CCNT2: variants seen among roughly 807,000 people sequenced by gnomAD.
CCNT2 encodes the protein cyclin-T2.
In CCNT2, 18 loss-of-function variants were observed where a neutral mutation model predicts 70.0. The observed-to-expected ratio is 0.26, with a 90% CI of 0.18 to 0.38. CCNT2 has a LOEUF of 0.38. Ranked by LOEUF, CCNT2 falls within the 10% of genes least tolerant of loss-of-function variation. CCNT2 has a pLI of 1.00. For synonymous variants in CCNT2, 334 were observed against 313.3 expected (o/e 1.07, Z -0.70); for missense variants, 734 against 890.2 (o/e 0.82, Z 2.23).
chr2:134,924,792 C>G (rs78483860), intron 2 of CCNT2, among the ~76,000 whole-genome samples: 1 of 152,102 alleles, frequency 6.6e-6, no homozygotes, highest in East Asian at 1.9e-4. Flanking sequence ...TTTTAGCACC[C>G]AACTCTGCAT....
chr2:134,950,523 A>C (rs151029297), intron 7 of CCNT2, among the ~76,000 whole-genome samples: 1 of 152,226 alleles, frequency 6.6e-6, no homozygotes, highest in African/African-American at 2.4e-5. Context: ...TATAGACCCA[A>C]CTACTGTGGA....
chr2:134,926,462 A>G (rs1157621709), intron 2 of CCNT2, among the ~76,000 whole-genome samples: 2 of 152,030 alleles, frequency 1.3e-5, no homozygotes, highest in Non-Finnish European at 2.9e-5. Flanking sequence ...TTCTCTTCAA[A>G]CTGGAGTCTT....
At chr2:134,948,350 ATAAG>A (rs145614460) in intron 7 of CCNT2, among the ~76,000 whole-genome samples, 31,591 of 151,922 alleles carry the variant, frequency 0.21, 3,781 homozygotes, top group Middle Eastern at 0.57. Flanking sequence ...TAAAAAATAA[ATAAG>A]TAAGGTTTAG....
At chr2:134,948,714 A>G (rs188843311) in intron 7 of CCNT2, among the ~76,000 whole-genome samples, 211 of 145,130 alleles carry the variant, frequency 1.5e-3, no homozygotes, top group African/African-American at 5.3e-3. Context: ...AAGAAAATAG[A>G]TAACACTTTT....
At chr2:134,943,915 T>G (rs891443401) in intron 5 of CCNT2, 20 of 967,078 alleles carry the variant, frequency 2.1e-5, no homozygotes, top group Non-Finnish European at 2.5e-5. Flanking sequence ...CTTTTGAAAA[T>G]CTTTTGTTTT....
At chr2:134,934,479 T>A (rs1681008107) in intron 2 of CCNT2, among the ~76,000 whole-genome samples, 1 of 152,260 alleles carries the variant, frequency 6.6e-6, no homozygotes, top group Non-Finnish European at 1.5e-5. Context: ...CATTTGGAAT[T>A]CTTTTAAGCC....
intron 2 of CCNT2, among the ~76,000 whole-genome samples, chr2:134,925,979 C>G (rs1680270631): frequency 6.6e-6 from 1 of 151,246 alleles, no homozygotes; most frequent in Admixed American, 6.6e-5. Flanking sequence ...GATTCCCCCA[C>G]CTTAGCCTCC....
intron 1 of CCNT2, among the ~76,000 whole-genome samples, chr2:134,919,408 A>G (rs1679690622): frequency 6.6e-6 from 1 of 152,154 alleles, no homozygotes; most frequent in South Asian, 2.1e-4. Context: ...TGTTTGCCGC[A>G]GCCTTTCCCG....
At chr2:134,942,525 A>G in intron 4 of CCNT2, 87 bp from the exon 5 acceptor site, 1 of 738,012 alleles carries the variant, frequency 1.4e-6, no homozygotes, top group East Asian at 3.1e-5. Flanking sequence ...TTTCTTAATA[A>G]TGAAGAATAT....
At chr2:134,948,835 C>T (rs1411149520) in intron 7 of CCNT2, among the ~76,000 whole-genome samples, 1 of 151,912 alleles carries the variant, frequency 6.6e-6, no homozygotes, top group Non-Finnish European at 1.5e-5. Context: ...CTGCCTCAGC[C>T]TCCCAAGTCG....
At position 134,953,935 on chromosome 2, in the gene CCNT2, T is replaced by C. The variant is rs2105092495; in HGVS notation, c.1480T>C (p.Tyr494His). Reference sequence around the variant, plus strand: ...AATACCTATCGCAAATACTGAAAAATACATGGCAGACAAAAAGGAAAAGAG... The same window carrying C: ...AATACCTATCGCAAATACTGAAAAACACATGGCAGACAAAAAGGAAAAGAG... The part of the protein sequence containing the change: ...MKIPIANTEK[Y>H]MADKKEKSGS... Residue 494 changes from tyrosine to histidine, a missense_variant, in exon 9 of 9, where the codon TAC (tyrosine) becomes CAC (histidine). Physicochemically the swap from Tyr to His is moderately conservative, Grantham distance 83 (BLOSUM62 2). Transcript: ENST00000264157. The C allele has an allele frequency of 6.2e-7, 1 of 1,613,918 alleles. No individual in the cohort carries two copies. Among genetic ancestry groups the C allele is most frequent in the African/African-American group, 1.3e-5 (1 of 74,954 alleles).
intron 2 of CCNT2, among the ~76,000 whole-genome samples, chr2:134,924,032 C>T (rs1201733731): frequency 6.6e-6 from 1 of 152,188 alleles, no homozygotes; most frequent in Non-Finnish European, 1.5e-5. Flanking sequence ...AGCATTTATG[C>T]ATTGTGTATC....
At chr2:134,946,820 A>G (rs1450037352) in intron 6 of CCNT2, among the ~76,000 whole-genome samples, 1 of 152,076 alleles carries the variant, frequency 6.6e-6, no homozygotes, top group Non-Finnish European at 1.5e-5. Flanking sequence ...AGCCTTTAAT[A>G]TATAATTCTG....
intron 8 of CCNT2, chr2:134,952,964 A>T: frequency 2.1e-6 from 1 of 479,054 alleles, no homozygotes; most frequent in Non-Finnish European, 3.7e-6. Context: ...GGGGAAACTG[A>T]AGCCTAGACA....
intron 2 of CCNT2, among the ~76,000 whole-genome samples, chr2:134,936,270 A>G (rs1279796072): frequency 6.6e-6 from 1 of 151,968 alleles, no homozygotes; most frequent in African/African-American, 2.4e-5. Context: ...TGTTCAGTCA[A>G]CTTACTTAGT....
In CCNT2 at chr2:134,954,772, T is replaced by A. The variant is rs1009433921; in HGVS notation, c.*124T>A. ...CTGCCACTGCTTCAATATTTGTAAG[T>A]GCTGCTTTATTCTTCATTCTGAAAA... On this transcript the variant is annotated 3_prime_UTR_variant, in exon 9 of 9. Transcript: ENST00000264157. The A allele has an allele frequency of 4.8e-6, 3 of 625,488 alleles. No homozygotes were observed. The highest frequency in any genetic ancestry group is 8.5e-6 in the Non-Finnish European group (3 of 352,202). The allele number at this position is 625,488 out of a possible 1,614,324, so 38.7% of individuals were successfully genotyped here. A position where few individuals can be genotyped will look rare whatever the true frequency, so the allele number is the denominator to read the frequency against.
chr2:134,953,187 T>C (rs1325493937), intron 8 of CCNT2, 43 bp from the exon 9 acceptor site: 2 of 1,369,334 alleles, frequency 1.5e-6, no homozygotes, highest in African/African-American at 1.5e-5. Flanking sequence ...TGCATTAAAT[T>C]ATTTTGCTAT....
intron 2 of CCNT2, among the ~76,000 whole-genome samples, chr2:134,924,721 T>A (rs1056914392): frequency 6.6e-6 from 1 of 152,200 alleles, no homozygotes; most frequent in African/African-American, 2.4e-5. Flanking sequence ...AGTGCTGGGA[T>A]TACAGGCGTT....
Position 134,958,823 on chromosome 2 carries a change from T to C in CCNT2, c.*4175T>C, listed in dbSNP as rs1306410554. On this transcript the variant is annotated 3_prime_UTR_variant, in exon 9 of 9. Transcript: ENST00000264157. ...AGTTTTTACCTCTGTGGCACCTTCT[T>C]TATAATTTACTGTTACCTATTCTGC... The C allele has an allele frequency of 1.3e-5, 2 of 152,340 alleles. No homozygotes were observed. Among genetic ancestry groups the C allele is most frequent in the African/African-American group, 2.4e-5 (1 of 41,564 alleles). 9.4% of individuals were successfully genotyped at this position (152,340 alleles called of 1,614,324 possible).
Sources: gnomAD v4.1 joint callset for allele counts (sites outside exome capture counted in the v4.1 genomes callset) on GRCh38, gnomAD v4.1.1 for gene constraint, MANE v1.5 for transcripts, NCBI Gene and HGNC (gene_info 2026-07-23, HGNC 2026-07-21) for gene names.